Variants in BMPR1A observed in about 807,000 individuals in gnomAD.
The protein encoded by BMPR1A is bone morphogenetic protein receptor type-1A.
Under a neutral mutation model 66.0 loss-of-function variants are expected in BMPR1A, and 7 were observed. The observed-to-expected ratio is 0.11, with a 90% CI of 0.06 to 0.20. The LOEUF (loss-of-function observed/expected upper bound fraction) is 0.20. Among genes scored for constraint, BMPR1A ranks in the 10% least tolerant of loss-of-function variants. BMPR1A has a pLI of 1.00. For missense variants in BMPR1A, 408 were observed against 669.1 expected (o/e 0.61, Z 4.31); for synonymous variants, 200 against 229.7 (o/e 0.87, Z 1.17).
chr10:86,771,847 G>A (rs1196414045), intron 1 of BMPR1A, among the ~76,000 whole-genome samples: 3 of 151,952 alleles, frequency 2.0e-5, no homozygotes, highest in Admixed American at 1.3e-4. Context: ...CTGTAGCCTC[G>A]GCTGCCTGGG....
intron 1 of BMPR1A, among the ~76,000 whole-genome samples, chr10:86,814,839 G>A (rs749152678): frequency 2.6e-5 from 4 of 152,006 alleles, no homozygotes; most frequent in Non-Finnish European, 5.9e-5. Flanking sequence ...GGGCTGGAGC[G>A]CAGTGGTGCT....
chr10:86,806,775 C>A (rs1841893976), intron 1 of BMPR1A, among the ~76,000 whole-genome samples: 1 of 151,874 alleles, frequency 6.6e-6, no homozygotes, highest in African/African-American at 2.4e-5. Flanking sequence ...GCTTGATACT[C>A]CTGGGCTCAA....
chr10:86,836,554 T>C (rs1273004237), intron 1 of BMPR1A, among the ~76,000 whole-genome samples: 1 of 152,144 alleles, frequency 6.6e-6, no homozygotes, highest in East Asian at 1.9e-4. Flanking sequence ...TCTAAGCACT[T>C]TGGGAGGCCG....
intron 3 of BMPR1A, among the ~76,000 whole-genome samples, chr10:86,882,174 C>G (rs1236985687): frequency 6.6e-6 from 1 of 152,078 alleles, no homozygotes; most frequent in Non-Finnish European, 1.5e-5. Context: ...ACAGTTTTCT[C>G]TACTTTTATA....
At chr10:86,900,895 G>A (rs1453886845) in intron 7 of BMPR1A, among the ~76,000 whole-genome samples, 3 of 152,184 alleles carry the variant, frequency 2.0e-5, no homozygotes, top group Non-Finnish European at 4.4e-5. Flanking sequence ...ATCCCAAATG[G>A]CCCCCAGTGA....
At chr10:86,917,378 A>G in intron 9 of BMPR1A, 52 bp downstream of exon 9, 2 of 1,600,554 alleles carry the variant, frequency 1.2e-6, no homozygotes, top group Admixed American at 3.4e-5. Context: ...CTAGTGAGGT[A>G]CAGGTGGAAG....
chr10:86,773,326 C>T (rs1261677097), intron 1 of BMPR1A, among the ~76,000 whole-genome samples: 3 of 151,950 alleles, frequency 2.0e-5, no homozygotes, highest in Admixed American at 6.6e-5. Context: ...TGGTGGCTCA[C>T]GCCTGTGATC....
intron 3 of BMPR1A, among the ~76,000 whole-genome samples, chr10:86,877,837 G>C (rs1842938785): frequency 1.3e-5 from 2 of 152,046 alleles, no homozygotes; most frequent in African/African-American, 4.8e-5. Context: ...TTTAAAATCT[G>C]TTTAGATCAC....
intron 1 of BMPR1A, among the ~76,000 whole-genome samples, chr10:86,803,764 A>G (rs929713273): frequency 6.6e-5 from 10 of 152,276 alleles, no homozygotes; most frequent in African/African-American, 2.4e-4. Context: ...GACTTTTTCA[A>G]AAGTCGAGGA....
chr10:86,823,915 A>G (rs1842155814), intron 1 of BMPR1A, among the ~76,000 whole-genome samples: 1 of 152,158 alleles, frequency 6.6e-6, no homozygotes, highest in South Asian at 2.1e-4. Flanking sequence ...GTTAATCATC[A>G]TGTGTGGTGG....
chr10:86,804,140 A>G (rs976737728), intron 1 of BMPR1A, among the ~76,000 whole-genome samples: 3 of 152,196 alleles, frequency 2.0e-5, no homozygotes, highest in African/African-American at 7.2e-5. Context: ...GGGATTTAAA[A>G]TATATCATCT....
chr10:86,761,019 G>T (rs1014790457), intron 1 of BMPR1A, among the ~76,000 whole-genome samples: 6 of 152,198 alleles, frequency 3.9e-5, no homozygotes, highest in African/African-American at 1.4e-4. Context: ...AAAAATGGAT[G>T]CATCTTAGAA....
In BMPR1A at chr10:86,902,664, G is replaced by A. The variant is rs577369379; in HGVS notation, c.530+2538G>A. ...TAACAGCTTGCCAATCAAGGTGTCA[G>A]GCTGTGAAGGATACTGATCTCTGAG... On this transcript the variant is annotated intron_variant, in intron 7 of 12. Transcript: ENST00000372037. Among the ~76,000 whole-genome samples, 13 of 152,324 alleles carry A rather than the reference G, an allele frequency of 8.5e-5. No individual in the cohort carries two copies. The South Asian group carries it at 1.4e-3, about 17-fold the overall frequency.
chr10:86,888,853 T>C (rs1843107019), intron 3 of BMPR1A, among the ~76,000 whole-genome samples: 1 of 147,942 alleles, frequency 6.8e-6, no homozygotes, highest in African/African-American at 2.5e-5. Flanking sequence ...AAAGTGAAAA[T>C]TATTGAAACT....
At chr10:86,840,771 T>C (rs1842415802) in intron 2 of BMPR1A, among the ~76,000 whole-genome samples, 2 of 152,188 alleles carry the variant, frequency 1.3e-5, no homozygotes, top group African/African-American at 2.4e-5. Context: ...GCTCAGAGTC[T>C]CAGTGCTGTT....
At chr10:86,849,251 G>GT (rs1364307262) in intron 2 of BMPR1A, among the ~76,000 whole-genome samples, 19 of 152,166 alleles carry the variant, frequency 1.2e-4, no homozygotes, top group African/African-American at 4.6e-4. Flanking sequence ...TAGTAATGCT[G>GT]TTTTTCAGTC....
At chr10:86,880,388 A>G (rs888357537) in intron 3 of BMPR1A, among the ~76,000 whole-genome samples, 1 of 152,194 alleles carries the variant, frequency 6.6e-6, no homozygotes, top group East Asian at 1.9e-4. Context: ...TTGGTATTGT[A>G]GCACTTACCT....
rs148376627 is a variant in BMPR1A, at chr10:86,829,313, A to G, written c.-267-9552A>G. On this transcript the variant is annotated intron_variant, in intron 1 of 12. Transcript: ENST00000372037. ...CGTATAGTCCTTGAACAGTTATTTT[A>G]CTATTCAAAGTAGGTTCTTCAAAAT... Among the ~76,000 whole-genome samples the G allele has an allele frequency of 1.3e-3, 205 of 152,290 alleles. 1 individual carries two copies. Among genetic ancestry groups the G allele is most frequent in the Admixed American group, 1.8e-3 (28 of 15,294 alleles).
At chr10:86,772,266 G>A (rs1841276826) in intron 1 of BMPR1A, among the ~76,000 whole-genome samples, 1 of 151,742 alleles carries the variant, frequency 6.6e-6, no homozygotes, top group Non-Finnish European at 1.5e-5. Context: ...GAGTAGCTGG[G>A]ACTACAGGCG....
Sources: allele counts gnomAD v4.1 joint callset (sites outside exome capture counted in the v4.1 genomes callset), GRCh38; gene constraint gnomAD v4.1.1; transcripts MANE v1.5; gene names NCBI Gene and HGNC (gene_info 2026-07-23, HGNC 2026-07-21).